Variants in TPO observed in about 807,000 individuals in gnomAD.
TPO encodes the protein thyroid peroxidase.
TPO carries 78 observed loss-of-function variants against 96.9 expected under a neutral mutation model. The observed-to-expected ratio is 0.81, with a 90% CI of 0.67 to 0.97. TPO has a LOEUF of 0.97. Among genes scored for constraint, TPO ranks in the 50% least tolerant of loss-of-function variants. The probability of loss-of-function intolerance (pLI) is 0.00; values close to 1 mark genes in which losing one functional copy is unlikely to be tolerated. For missense variants in TPO, 1,252 were observed against 1,274.8 expected, an observed-to-expected ratio of 0.98 and a Z score of 0.27; for synonymous variants, 547 against 538.0, an observed-to-expected ratio of 1.02 and a Z score of -0.23.
At chr2:1,542,173 T>C (rs867035768) in intron 16 of TPO, 7 of 597,842 alleles carry the variant, frequency 1.2e-5, no homozygotes, top group South Asian at 8.0e-5. Context: ...TGCCTGCGGA[T>C]TGCAGATCCC....
At chr2:1,427,913 C>T (rs1664590822) in intron 3 of TPO, among the ~76,000 whole-genome samples, 3 of 152,098 alleles carry the variant, frequency 2.0e-5, no homozygotes, top group Admixed American at 6.6e-5. Context: ...CACGGTGAAA[C>T]ACTCTGGGCA....
At chr2:1,386,339 G>A (rs534198441) in intron 1 of TPO, among the ~76,000 whole-genome samples, 10 of 151,738 alleles carry the variant, frequency 6.6e-5, no homozygotes, top group Admixed American at 6.5e-4. Context: ...TTATTATTGT[G>A]TGGGAGTCTA....
intron 15 of TPO, among the ~76,000 whole-genome samples, chr2:1,539,822 ATG>A (rs988761858): frequency 2.5e-4 from 37 of 147,492 alleles, no homozygotes; most frequent in African/African-American, 9.4e-4. Context: ...GAGTTCAGGG[ATG>A]AATGACCACC....
At chr2:1,386,185 G>A (rs1253986722) in intron 1 of TPO, among the ~76,000 whole-genome samples, 3 of 152,106 alleles carry the variant, frequency 2.0e-5, no homozygotes, top group Non-Finnish European at 4.4e-5. Flanking sequence ...AAGAATGTAT[G>A]TTCTGTTGAT....
intron 15 of TPO, among the ~76,000 whole-genome samples, chr2:1,528,868 G>A (rs1677282610): frequency 7.4e-6 from 1 of 134,866 alleles, no homozygotes; most frequent in Non-Finnish European, 1.5e-5. Flanking sequence ...CCCACTGTGT[G>A]CAACCTCCCC....
chr2:1,510,300 A>G (rs1673967592), intron 14 of TPO, among the ~76,000 whole-genome samples: 1 of 152,230 alleles, frequency 6.6e-6, no homozygotes, highest in African/African-American at 2.4e-5. Flanking sequence ...AAGCGGATTC[A>G]GAACCCTGCT....
intron 2 of TPO, among the ~76,000 whole-genome samples, chr2:1,422,344 C>CGACATTGTGCAGACGCCGCGCTGGACT (rs1397279329): frequency 2.6e-5 from 2 of 77,614 alleles, no homozygotes; most frequent in African/African-American, 9.3e-5. Flanking sequence ...TCTCCTGGAC[C>CGACATTGTGCAGACGCCGCGCTGGACT]GACCTCGTGC....
At chr2:1,458,830 A>G (rs1668133672) in intron 7 of TPO, among the ~76,000 whole-genome samples, 1 of 152,190 alleles carries the variant, frequency 6.6e-6, no homozygotes, top group Non-Finnish European at 1.5e-5. Context: ...TTGTGTGTGC[A>G]TTATAATCTA....
intron 13 of TPO, among the ~76,000 whole-genome samples, chr2:1,501,557 G>A (rs912161320): frequency 2.6e-5 from 4 of 152,216 alleles, no homozygotes; most frequent in African/African-American, 9.6e-5. Context: ...TCAAGTTCTA[G>A]CCCCGTGTAC....
intron 16 of TPO, 103 bp downstream of exon 16, chr2:1,540,826 ACTCCGTGTTTC>A: frequency 3.1e-6 from 5 of 1,596,032 alleles, no homozygotes; most frequent in Non-Finnish European, 3.4e-6. Context: ...ATTTCTGTTT[ACTCCGTGTTTC>A]CTAGTCCGTT....
chr2:1,467,476 T>G (rs1669011436), intron 7 of TPO, among the ~76,000 whole-genome samples: 1 of 152,220 alleles, frequency 6.6e-6, no homozygotes, highest in Admixed American at 6.5e-5. Context: ...TTATTTAATT[T>G]CCATGTATTT....
intron 1 of TPO, among the ~76,000 whole-genome samples, chr2:1,390,916 G>A: frequency 6.6e-6 from 1 of 152,144 alleles, no homozygotes; most frequent in East Asian, 1.9e-4. Context: ...ATTCTTTGTA[G>A]ATTCTGGATA....
At chr2:1,394,960 T>G (rs1662058492) in intron 1 of TPO, among the ~76,000 whole-genome samples, 1 of 152,174 alleles carries the variant, frequency 6.6e-6, no homozygotes, top group Non-Finnish European at 1.5e-5. Context: ...AGGCTTCCGC[T>G]TCCCTGCACA....
intron 5 of TPO, chr2:1,438,779 ATTTTTT>A (rs3036132): frequency 6.7e-5 from 45 of 668,170 alleles, no homozygotes; most frequent in Admixed American, 1.7e-4. Flanking sequence ...TTAACTGGAG[ATTTTTT>A]TTTTTTTTTT....
At chr2:1,536,977 T>G (rs1558439412) in intron 15 of TPO, among the ~76,000 whole-genome samples, 1 of 28,876 alleles carries the variant, frequency 3.5e-5, no homozygotes, top group Non-Finnish European at 6.1e-5. Context: ...AACCCCCCAA[T>G]CTCCCCCACT....
intron 14 of TPO, among the ~76,000 whole-genome samples, chr2:1,505,356 C>G (rs898217719): frequency 6.8e-6 from 1 of 147,654 alleles, no homozygotes; most frequent in Non-Finnish European, 1.5e-5. Context: ...GTCAGGCACA[C>G]ACCCCCACCC....
chr2:1,484,947 T>C, intron 9 of TPO, 93 bp downstream of exon 9: 1 of 1,558,310 alleles, frequency 6.4e-7, no homozygotes, highest in South Asian at 1.2e-5. Context: ...AGGGTACATG[T>C]GCACAACGTG....
chr2:1,409,647 T>C (rs1662297610), upstream of TPO, among the ~76,000 whole-genome samples: 1 of 152,058 alleles, frequency 6.6e-6, no homozygotes, highest in African/African-American at 2.4e-5. Context: ...AGCTTTTCCA[T>C]CTGCATCCTT....
chr2:1,502,799 C>T (rs1166008973), intron 13 of TPO, among the ~76,000 whole-genome samples: 2 of 152,218 alleles, frequency 1.3e-5, no homozygotes, highest in Non-Finnish European at 2.9e-5. Context: ...TCATAAGCAT[C>T]GTCTTTGATT....
Sources: gnomAD v4.1 joint callset for allele counts (sites outside exome capture counted in the v4.1 genomes callset) on GRCh38, gnomAD v4.1.1 for gene constraint, MANE v1.5 for transcripts, NCBI Gene and HGNC (gene_info 2026-07-23, HGNC 2026-07-21) for gene names.